The following EBF1 variants were observed in gnomAD, a reference collection of about 807,000 sequenced individuals.
The protein encoded by EBF1 is EBF transcription factor 1.
EBF1 carries 10 observed loss-of-function variants against 68.4 expected under a neutral mutation model. The observed-to-expected ratio is 0.15, with a 90% CI of 0.09 to 0.25. The LOEUF (loss-of-function observed/expected upper bound fraction) is 0.25. Ranked by LOEUF, EBF1 falls within the 10% of genes least tolerant of loss-of-function variation. The probability of loss-of-function intolerance (pLI) is 1.00; values close to 1 mark genes in which losing one functional copy is unlikely to be tolerated. For synonymous variants in EBF1, 298 were observed against 299.8 expected, an observed-to-expected ratio of 0.99 and a Z score of 0.06; for missense variants, 509 against 794.4, an observed-to-expected ratio of 0.64 and a Z score of 4.32.
intron 6 of EBF1, among the ~76,000 whole-genome samples, chr5:158,876,924 C>T (rs1797925934): frequency 6.6e-6 from 1 of 152,156 alleles, no homozygotes; most frequent in African/African-American, 2.4e-5. Context: ...CGTGCACTAA[C>T]CTGGTACAAA....
At chr5:158,766,733 C>T (rs1772749689) in intron 10 of EBF1, among the ~76,000 whole-genome samples, 1 of 152,182 alleles carries the variant, frequency 6.6e-6, no homozygotes, top group South Asian at 2.1e-4. Context: ...CTATTATACA[C>T]CCACCAAAAT....
chr5:158,777,381 G>A (rs1385536365), intron 10 of EBF1, 32 bp downstream of exon 10: 1 of 1,581,296 alleles, frequency 6.3e-7, no homozygotes, highest in Non-Finnish European at 8.6e-7. Flanking sequence ...GACCACGGCA[G>A]TTCTGTGCTC....
At chr5:158,919,964 T>C (rs1441968476) in intron 6 of EBF1, among the ~76,000 whole-genome samples, 2 of 151,916 alleles carry the variant, frequency 1.3e-5, no homozygotes, top group Non-Finnish European at 2.9e-5. Flanking sequence ...GAAAGAAAAA[T>C]CTAGAGGAAA....
intron 6 of EBF1, among the ~76,000 whole-genome samples, chr5:158,939,751 G>A (rs62385384): frequency 0.41 from 58,433 of 141,880 alleles, 11,426 homozygotes; most frequent in South Asian, 0.62. Context: ...TCTGCTTTCC[G>A]GGCGGGGGTG....
At chr5:159,093,141 T>G (rs905705432) in intron 4 of EBF1, among the ~76,000 whole-genome samples, 1 of 152,172 alleles carries the variant, frequency 6.6e-6, no homozygotes, top group Admixed American at 6.5e-5. Context: ...TCTATCTGCT[T>G]TTTGGAGGCC....
intron 6 of EBF1, among the ~76,000 whole-genome samples, chr5:159,057,104 C>CTTTTTTTTT (rs1205129627): frequency 8.4e-4 from 93 of 110,588 alleles, no homozygotes; most frequent in Non-Finnish European, 1.2e-3. Context: ...CTTTTCTTTT[C>CTTTTTTTTT]TTTTTTTTTT....
At chr5:158,876,393 G>T (rs1490568107) in intron 6 of EBF1, among the ~76,000 whole-genome samples, 5 of 152,112 alleles carry the variant, frequency 3.3e-5, no homozygotes, top group African/African-American at 1.2e-4. Flanking sequence ...TCTTCAGGAA[G>T]TTACATCAGA....
chr5:158,712,041 AG>A, intron 14 of EBF1, 112 bp downstream of exon 14: 1 of 1,296,094 alleles, frequency 7.7e-7, no homozygotes, highest in Non-Finnish European at 1.1e-6. Context: ...GCCTTACAGG[AG>A]GGAAAGATGG....
chr5:158,969,965 C>T (rs6556378), intron 6 of EBF1, among the ~76,000 whole-genome samples: 131,035 of 141,202 alleles, frequency 0.93, 61,392 homozygotes, highest in Non-Finnish European at 0.98. Flanking sequence ...CAAATGCCTA[C>T]AATGAAAATT....
At chr5:158,926,769 A>G (rs899940111) in intron 6 of EBF1, among the ~76,000 whole-genome samples, 1 of 152,012 alleles carries the variant, frequency 6.6e-6, no homozygotes, top group African/African-American at 2.4e-5. Flanking sequence ...AGAAAGAAAG[A>G]ACTATCTTAT....
chr5:159,097,376 A>C (rs1007086924), intron 1 of EBF1: 246 of 535,138 alleles, frequency 4.6e-4, no homozygotes, highest in African/African-American at 4.4e-3. Flanking sequence ...GAGGTGTGAA[A>C]GTTTTGTTTG....
intron 10 of EBF1, among the ~76,000 whole-genome samples, chr5:158,754,937 G>A (rs754146765): frequency 6.6e-6 from 1 of 152,104 alleles, no homozygotes; most frequent in Non-Finnish European, 1.5e-5. Context: ...TCCATAGCAT[G>A]ATAAAGAAAA....
intron 6 of EBF1, among the ~76,000 whole-genome samples, chr5:158,929,879 T>C (rs886526850): frequency 6.6e-6 from 1 of 152,200 alleles, no homozygotes. Context: ...ACCTCTGCGA[T>C]TTATCACTAG....
At chr5:158,901,808 C>T (rs925854982) in intron 6 of EBF1, among the ~76,000 whole-genome samples, 3 of 152,122 alleles carry the variant, frequency 2.0e-5, no homozygotes, top group Non-Finnish European at 4.4e-5. Context: ...ACCAAGTTTT[C>T]GGCCTGGTGT....
rs1554138536 is a variant in EBF1 at position 159,099,583 on chromosome 5, C to A, written c.-105G>T. 1 of 1,345,336 alleles carries A rather than the reference C, an allele frequency of 7.4e-7. No homozygotes were observed. The highest frequency in any genetic ancestry group is 3.0e-5 in the Admixed American group (1 of 33,292). The allele number at this position is 1,345,336 out of a possible 1,614,324, so 83.3% of individuals were successfully genotyped here. A position where few individuals can be genotyped will look rare whatever the true frequency, so the allele number is the denominator to read the frequency against. ...AAAGAAAAGAAACAAAAACGCCAACCAGAGATTTTTTTTTTTCTCAGACGA... is the reference window on the plus strand; with the variant it reads ...AAAGAAAAGAAACAAAAACGCCAACAAGAGATTTTTTTTTTTCTCAGACGA... On this transcript the variant is annotated 5_prime_UTR_variant, in exon 1 of 16. Transcript: ENST00000313708.
intron 6 of EBF1, among the ~76,000 whole-genome samples, chr5:158,916,242 C>T (rs1000072359): frequency 6.6e-6 from 1 of 152,098 alleles, no homozygotes; most frequent in African/African-American, 2.4e-5. Flanking sequence ...ACAAGTGACC[C>T]TGTCATGGAT....
intron 9 of EBF1, among the ~76,000 whole-genome samples, chr5:158,793,422 C>G (rs770427859): frequency 3.3e-5 from 5 of 152,200 alleles, no homozygotes; most frequent in African/African-American, 9.6e-5. Flanking sequence ...AAACAACCAT[C>G]ATCACTACTA....
chr5:158,840,002 G>A, intron 7 of EBF1, 27 bp downstream of exon 7: 1 of 1,597,606 alleles, frequency 6.3e-7, no homozygotes, highest in Non-Finnish European at 8.6e-7. Flanking sequence ...CCATTATTGA[G>A]ATTCAAGAAA....
At chr5:159,085,551 T>A (rs936870241) in intron 4 of EBF1, among the ~76,000 whole-genome samples, 1 of 152,212 alleles carries the variant, frequency 6.6e-6, no homozygotes, top group African/African-American at 2.4e-5. Flanking sequence ...ATCTACATGT[T>A]AATACCTGGA....
Sources: gnomAD v4.1 joint callset for allele counts (sites outside exome capture counted in the v4.1 genomes callset) on GRCh38, gnomAD v4.1.1 for gene constraint, MANE v1.5 for transcripts, NCBI Gene and HGNC (gene_info 2026-07-23, HGNC 2026-07-21) for gene names.